JAM3: variants seen among roughly 807,000 people sequenced by gnomAD.
JAM3 encodes junctional adhesion molecule 3, also known as junctional adhesion molecule C.
A neutral mutation model predicts 39.4 loss-of-function variants in JAM3; 31 were observed. The observed-to-expected ratio is 0.79, with a 90% CI of 0.59 to 1.06. JAM3 has a LOEUF of 1.06. Among genes scored for constraint, JAM3 ranks in the 50% least tolerant of loss-of-function variants. The pLI is 0.00. For synonymous variants in JAM3, 182 were observed against 148.7 expected (o/e 1.22, Z -1.63); for missense variants, 455 against 391.4 (o/e 1.16, Z -1.37).
chr11:134,100,310 C>T (rs1341862611), intron 1 of JAM3, among the ~76,000 whole-genome samples: 3 of 152,154 alleles, frequency 2.0e-5, no homozygotes, highest in Non-Finnish European at 4.4e-5. Flanking sequence ...GCATAACATA[C>T]AGTGTTCTTT....
intron 1 of JAM3, among the ~76,000 whole-genome samples, chr11:134,128,458 T>C (rs470407): frequency 0.44 from 67,323 of 152,088 alleles, 17,602 homozygotes; most frequent in African/African-American, 0.74. Flanking sequence ...GGCGGTGTGT[T>C]CCACCCAAAT....
At chr11:134,077,571 C>T (rs554768047) in intron 1 of JAM3, among the ~76,000 whole-genome samples, 3 of 151,168 alleles carry the variant, frequency 2.0e-5, no homozygotes, top group Non-Finnish European at 4.4e-5. Flanking sequence ...TCCATGTTGG[C>T]CAAGCTGGTC....
At chr11:134,139,275 A>G (rs1942929444) in intron 1 of JAM3, among the ~76,000 whole-genome samples, 1 of 152,200 alleles carries the variant, frequency 6.6e-6, no homozygotes, top group African/African-American at 2.4e-5. Context: ...ACCGTGTTAT[A>G]TTATTATTTT....
chr11:134,087,993 G>A (rs1162038329), intron 1 of JAM3, among the ~76,000 whole-genome samples: 3 of 152,154 alleles, frequency 2.0e-5, no homozygotes, highest in Admixed American at 2.0e-4. Flanking sequence ...GATGACTGCA[G>A]GCATTTCCAG....
intron 1 of JAM3, among the ~76,000 whole-genome samples, chr11:134,076,833 CTTT>C (rs71038556): frequency 8.4e-5 from 10 of 118,522 alleles, no homozygotes; most frequent in African/African-American, 1.3e-4. Context: ...ACATCTATTG[CTTT>C]TTTTTTTTTT....
In JAM3 at chr11:134,140,712, G is replaced by A; in HGVS notation, c.198G>A (p.Glu66=). 1 of 1,613,770 alleles carries A rather than the reference G, an allele frequency of 6.2e-7. No individual in the cohort carries two copies. The highest frequency in any genetic ancestry group is 1.3e-5 in the African/African-American group (1 of 74,958). The change falls in exon 3 of 9, where the codon GAG becomes GAA. Residue 66 remains glutamate (E), a synonymous_variant. Coordinates refer to ENST00000299106, the MANE Select transcript of JAM3 (RefSeq NM_032801.5). The stretch of plus-strand genomic sequence containing the variant: ...CGCAGACAAGTGACCCCAGGATCGA[G>A]TGGAAGAAAATTCAAGATGAACAAA... The part of the protein sequence containing the change: ...TDSQTSDPRI[E]WKKIQDEQTT...
chr11:134,086,717 C>G (rs891800769), intron 1 of JAM3, among the ~76,000 whole-genome samples: 1 of 152,046 alleles, frequency 6.6e-6, no homozygotes, highest in African/African-American at 2.4e-5. Flanking sequence ...GAAAATGCCA[C>G]GTAAATAGAT....
intron 1 of JAM3, among the ~76,000 whole-genome samples, chr11:134,121,994 T>C (rs1384799207): frequency 6.6e-6 from 1 of 152,220 alleles, no homozygotes; most frequent in Non-Finnish European, 1.5e-5. Context: ...TGGAATCTGT[T>C]GTTGTGTTTT....
rs1467663638 is a variant in JAM3, at chr11:134,146,393, C to T, written c.712+348C>T. Among the ~76,000 whole-genome samples the T allele has an allele frequency of 2.3e-5, 3 of 128,268 alleles. No individual in the cohort carries two copies. In the East Asian group the frequency reaches 6.5e-4, roughly 28 times the overall value. 84.1% of individuals were successfully genotyped at this position (128,268 alleles called of 152,430 possible). A position where few individuals can be genotyped will look rare whatever the true frequency, so the allele number is the denominator to read the frequency against. On this transcript the variant is annotated intron_variant, in intron 6 of 8. Transcript: ENST00000299106. The stretch of plus-strand genomic sequence containing the variant: ...CTCCAGAAATTTATCCAGTTATAAC[C>T]CTCTTGTAGAAAACTGACAGTTTTA...
intron 1 of JAM3, among the ~76,000 whole-genome samples, chr11:134,137,402 C>T (rs951684950): frequency 3.9e-5 from 6 of 152,190 alleles, no homozygotes; most frequent in Admixed American, 3.3e-4. Flanking sequence ...ACTTCTATTT[C>T]TCTAGACTAT....
intron 1 of JAM3, among the ~76,000 whole-genome samples, chr11:134,118,285 A>G (rs184185710): frequency 9.5e-4 from 144 of 152,260 alleles, no homozygotes; most frequent in African/African-American, 3.2e-3. Context: ...AATATTTTAT[A>G]ATTGGTCTGA....
At chr11:134,070,238 A>G (rs1377019494) in intron 1 of JAM3, 1 of 456,170 alleles carries the variant, frequency 2.2e-6, no homozygotes, top group Non-Finnish European at 4.4e-6. Flanking sequence ...ATATTTACCT[A>G]AAGCAGGACA....
chr11:134,089,241 G>A (rs960860277), intron 1 of JAM3, among the ~76,000 whole-genome samples: 3 of 152,146 alleles, frequency 2.0e-5, no homozygotes, highest in Non-Finnish European at 2.9e-5. Context: ...ATACTAAGCA[G>A]CACTTAGGAT....
rs1407625378 is a variant in JAM3, at chr11:134,132,917, GCTT to G, written c.77-6928_77-6926del. 3.9e-5 allele frequency among the ~76,000 whole-genome samples: 6 copies of G among 152,142 alleles called. No homozygotes were observed. In the South Asian group the frequency reaches 6.2e-4, roughly 16 times the overall value. On this transcript the variant is annotated intron_variant, in intron 1 of 8. Transcript: ENST00000299106. The stretch of plus-strand genomic sequence containing the variant: ...TCTGGTACTGGTGGTTCCTGCAGAG[GCTT>G]CTTCTCCTGAGTTTCTGCTCTGCAG...
chr11:134,123,908 G>C lies in JAM3; in HGVS notation c.77-15943G>C, dbSNP rs1349431913. On this transcript the variant is annotated intron_variant, in intron 1 of 8. Transcript: ENST00000299106. ...ATTTCTCCAAGTAAAGCAGCTGTTT[G>C]GAATTGAAGGCCCCCCTTCTTTTTT... is the stretch of plus-strand genomic sequence containing the variant. 6.5e-5 allele frequency: 71 copies of C among 1,088,238 alleles called. No individual in the cohort carries two copies. The Admixed American group carries it at 1.2e-3, about 18-fold the overall frequency. The allele number at this position is 1,088,238 out of a possible 1,614,324, so 67.4% of individuals were successfully genotyped here.
intron 1 of JAM3, among the ~76,000 whole-genome samples, chr11:134,082,296 G>A (rs1941679133): frequency 1.3e-5 from 2 of 152,228 alleles, no homozygotes; most frequent in African/African-American, 4.8e-5. Flanking sequence ...GTGGACTTTT[G>A]AGTTAATGCT....
chr11:134,112,637 A>G (rs559684671), intron 1 of JAM3, among the ~76,000 whole-genome samples: 13 of 152,150 alleles, frequency 8.5e-5, no homozygotes, highest in Non-Finnish European at 1.9e-4. Flanking sequence ...ATTCCTCCCA[A>G]CAATCCTATG....
At chr11:134,087,412 C>T (rs1023290454) in intron 1 of JAM3, among the ~76,000 whole-genome samples, 19 of 152,218 alleles carry the variant, frequency 1.2e-4, no homozygotes, top group African/African-American at 4.1e-4. Flanking sequence ...TCATGACCTC[C>T]CACCTCTCTC....
intron 1 of JAM3, among the ~76,000 whole-genome samples, chr11:134,097,569 G>T (rs188714094): frequency 8.5e-5 from 13 of 152,264 alleles, no homozygotes; most frequent in African/African-American, 2.9e-4. Context: ...CTGACTTCTG[G>T]TTGTGTAGTC....
Sources: gnomAD v4.1 joint callset for allele counts (sites outside exome capture counted in the v4.1 genomes callset) on GRCh38, gnomAD v4.1.1 for gene constraint, MANE v1.5 for transcripts, NCBI Gene and HGNC (gene_info 2026-07-23, HGNC 2026-07-21) for gene names.